ZNF618: variants seen among roughly 807,000 people sequenced by gnomAD.
The protein encoded by ZNF618 is neural precursor cell expressed, developmentally down-regulated 10.
Under a neutral mutation model 103.0 loss-of-function variants are expected in ZNF618, and 34 were observed. That is an observed-to-expected ratio of 0.33 (90% CI 0.25 to 0.44). The LOEUF (loss-of-function observed/expected upper bound fraction) is 0.44. Ranked by LOEUF, ZNF618 falls within the 20% of genes least tolerant of loss-of-function variation. ZNF618 has a pLI of 1.00. For missense variants in ZNF618, 1,059 were observed against 1,295.4 expected, an observed-to-expected ratio of 0.82 and a Z score of 2.80; for synonymous variants, 551 against 542.2, an observed-to-expected ratio of 1.02 and a Z score of -0.23.
At chr9:113,957,503 C>T (rs1836422108) in intron 1 of ZNF618, among the ~76,000 whole-genome samples, 1 of 152,174 alleles carries the variant, frequency 6.6e-6, no homozygotes, top group African/African-American at 2.4e-5. Flanking sequence ...GACTGCCTCT[C>T]GAGCAAGTCA....
rs746492708 is a variant in ZNF618 at position 114,047,906 on chromosome 9, C to T, written c.1260C>T (p.Asn420=). The change falls in exon 14 of 15, where the codon AAC becomes AAT. Residue 420 remains asparagine, a synonymous_variant. Coordinates refer to ENST00000374126, the MANE Select transcript of ZNF618 (RefSeq NM_001318042.2). The part of the protein sequence containing the change: ...HMQSHAADNE[N]NIASNQSRSP... ...TTGTGCCCACAGCTGACAATGAAAA[C>T]AACATTGCCTCCAACCAGTCCCGAT... 1 of 1,601,200 alleles carries T rather than the reference C, an allele frequency of 6.2e-7. No homozygotes were observed. Among genetic ancestry groups the T allele is most frequent in the Non-Finnish European group, 8.5e-7 (1 of 1,173,930 alleles).
chr9:114,044,661 C>A (rs1345263794), intron 13 of ZNF618, among the ~76,000 whole-genome samples: 1 of 152,118 alleles, frequency 6.6e-6, no homozygotes, highest in Admixed American at 6.6e-5. Context: ...ATTGATTCTA[C>A]CCATCCATGA....
intron 1 of ZNF618, among the ~76,000 whole-genome samples, chr9:113,967,020 A>G (rs1008230033): frequency 4.6e-5 from 7 of 152,186 alleles, no homozygotes; most frequent in African/African-American, 1.7e-4. Flanking sequence ...CTCTTATCCC[A>G]CACTCTGTCA....
chr9:113,979,946 A>G (rs1230187345), intron 2 of ZNF618, among the ~76,000 whole-genome samples: 3 of 151,964 alleles, frequency 2.0e-5, no homozygotes, highest in Non-Finnish European at 4.4e-5. Context: ...GGGGAAAGGG[A>G]GATTGGCTGT....
At chr9:113,960,387 T>G (rs1163963091) in intron 1 of ZNF618, among the ~76,000 whole-genome samples, 1 of 152,202 alleles carries the variant, frequency 6.6e-6, no homozygotes, top group Non-Finnish European at 1.5e-5. Flanking sequence ...ACTTACTCAT[T>G]CCTGACTGTT....
chr9:113,901,102 C>T (rs868479612), intron 1 of ZNF618, among the ~76,000 whole-genome samples: 1 of 128,350 alleles, frequency 7.8e-6, no homozygotes, highest in African/African-American at 3.0e-5. Flanking sequence ...CCGTCCTCTC[C>T]CGCAAACCCG....
At chr9:113,948,283 G>A (rs1203428034) in intron 1 of ZNF618, among the ~76,000 whole-genome samples, 1 of 152,220 alleles carries the variant, frequency 6.6e-6, no homozygotes, top group Admixed American at 6.5e-5. Context: ...AGGCAGCCCT[G>A]AGACCTGGAA....
chr9:113,883,989 C>G (rs1470543154), intron 1 of ZNF618, among the ~76,000 whole-genome samples: 14 of 41,150 alleles, frequency 3.4e-4, no homozygotes, highest in African/African-American at 8.2e-4. Context: ...TTGGCCCCCC[C>G]CCCCCCCCCC....
chr9:114,008,629 A>ACCCCT, intron 9 of ZNF618, 75 bp downstream of exon 9: 2 of 1,564,258 alleles, frequency 1.3e-6, no homozygotes, highest in Non-Finnish European at 8.7e-7. Context: ...TCTCACTGCT[A>ACCCCT]GGGCAGGGGT....
intron 11 of ZNF618, among the ~76,000 whole-genome samples, chr9:114,030,149 G>A (rs2134204894): frequency 6.6e-6 from 1 of 152,334 alleles, no homozygotes; most frequent in East Asian, 1.9e-4. Context: ...ATTAAGCCGT[G>A]CTTTCCTTTA....
chr9:113,877,519 A>G (rs958287054), intron 1 of ZNF618, among the ~76,000 whole-genome samples: 1 of 152,062 alleles, frequency 6.6e-6, no homozygotes, highest in African/African-American at 2.4e-5. Flanking sequence ...ACACCCAAAA[A>G]TTGTAGTTTT....
chr9:113,951,110 A>T lies in ZNF618; in HGVS notation c.34-18007A>T, dbSNP rs12115203. ...GGGCTTGATTGGAGGCTAGAAGGCC[A>T]GTTGGAGGGCTTTTGAAGAAACCTA... On this transcript the variant is annotated intron_variant, in intron 1 of 14. Transcript: ENST00000374126. 6.9e-3 allele frequency among the ~76,000 whole-genome samples: 1,047 copies of T among 151,808 alleles called. 14 individuals carry two copies. The highest frequency in any genetic ancestry group is 0.024 in the African/African-American group (978 of 41,378).
At chr9:113,952,175 A>ATTTT (rs1443000625) in intron 1 of ZNF618, among the ~76,000 whole-genome samples, 1 of 152,170 alleles carries the variant, frequency 6.6e-6, no homozygotes, top group African/African-American at 2.4e-5. Context: ...GAAATGAAAT[A>ATTTT]TTTGGTCCGC....
At chr9:114,038,453 T>C (rs889889288) in intron 13 of ZNF618, among the ~76,000 whole-genome samples, 1 of 152,156 alleles carries the variant, frequency 6.6e-6, no homozygotes. Flanking sequence ...CCAGGCTGAA[T>C]CCCAGCCACA....
intron 2 of ZNF618, among the ~76,000 whole-genome samples, chr9:113,972,707 C>T (rs1207919470): frequency 3.9e-5 from 6 of 152,204 alleles, no homozygotes; most frequent in Non-Finnish European, 1.5e-5. Flanking sequence ...GAAAGACCAA[C>T]ACACTATTAC....
At chr9:113,880,761 A>C (rs1215865319) in intron 1 of ZNF618, among the ~76,000 whole-genome samples, 1 of 152,240 alleles carries the variant, frequency 6.6e-6, no homozygotes, top group Non-Finnish European at 1.5e-5. Flanking sequence ...TTGTGGATGT[A>C]TGTGTGTGAT....
At chr9:113,999,629 A>G (rs897066574) in intron 4 of ZNF618, among the ~76,000 whole-genome samples, 14 of 152,310 alleles carry the variant, frequency 9.2e-5, no homozygotes, top group African/African-American at 3.1e-4. Flanking sequence ...CTGCCTGCCA[A>G]TCAGGCCTTG....
intron 2 of ZNF618, among the ~76,000 whole-genome samples, chr9:113,985,762 C>T (rs530666137): frequency 2.6e-5 from 4 of 152,332 alleles, no homozygotes; most frequent in South Asian, 2.1e-4. Flanking sequence ...CGTCCCACCT[C>T]GTACCACCCA....
intron 2 of ZNF618, among the ~76,000 whole-genome samples, chr9:113,981,613 C>A (rs185794140): frequency 2.5e-3 from 374 of 152,340 alleles, no homozygotes; most frequent in Non-Finnish European, 3.6e-3. Context: ...CCGCCATACT[C>A]CCAGGCACCT....
Sources: gnomAD v4.1 joint callset for allele counts (sites outside exome capture counted in the v4.1 genomes callset) on GRCh38, gnomAD v4.1.1 for gene constraint, MANE v1.5 for transcripts, NCBI Gene and HGNC (gene_info 2026-07-23, HGNC 2026-07-21) for gene names.